COL5A3: variants seen among roughly 807,000 people sequenced by gnomAD.
COL5A3 encodes collagen alpha-3(V) chain.
Under a neutral mutation model 250.0 loss-of-function variants are expected in COL5A3, and 172 were observed. The ratio of observed to expected loss-of-function variants is 0.69; its 90% CI spans 0.61 to 0.78. COL5A3 has a LOEUF of 0.78. Among genes scored for constraint, COL5A3 ranks in the 30% least tolerant of loss-of-function variants. The pLI is 0.00. For missense variants in COL5A3, 2,340 were observed against 2,334.4 expected (o/e 1.00, Z -0.05); for synonymous variants, 937 against 900.4 (o/e 1.04, Z -0.73).
chr19:9,977,421 GGGGCCCTGGGATC>G lies in COL5A3; in HGVS notation c.3165_3177del (p.Ile1056TrpfsTer84). Reference sequence around the variant, plus strand: ...GCTCCAGGGGGTCCCAGAGGCCCCAGGGGCCCTGGGATCCCATCTTTGCCAGTGGGGCCAGGGG... The same window carrying G: ...GCTCCAGGGGGTCCCAGAGGCCCCAGCCATCTTTGCCAGTGGGGCCAGGGG... On this transcript the variant is annotated frameshift_variant, in exon 43 of 67. Coordinates refer to ENST00000264828, the MANE Select transcript of COL5A3 (RefSeq NM_015719.4). LOFTEE classifies it high-confidence loss of function. The G allele has an allele frequency of 2.0e-6, 3 of 1,530,548 alleles. No individual in the cohort carries two copies. Among genetic ancestry groups the G allele is most frequent in the Non-Finnish European group, 2.6e-6 (3 of 1,141,124 alleles). 94.8% of individuals were successfully genotyped at this position (1,530,548 alleles called of 1,614,324 possible). A position where few individuals can be genotyped will look rare whatever the true frequency, so the allele number is the denominator to read the frequency against.
Position 9,966,248 on chromosome 19 carries a change from T to C in COL5A3, c.4782+66A>G, listed in dbSNP as rs1182436551. The stretch of plus-strand genomic sequence containing the variant: ...AAGGATAACGTCCCAGACAAGGTGG[T>C]TGTGGGTGTGGGGAGCAGGGGACAG... On this transcript the variant is annotated intron_variant, in intron 64 of 66. Coordinates refer to ENST00000264828, the MANE Select transcript of COL5A3 (RefSeq NM_015719.4). The C allele has an allele frequency of 2.1e-5, 25 of 1,186,898 alleles. No homozygotes were observed. In the East Asian group the frequency reaches 5.2e-4, roughly 25 times the overall value. The allele number at this position is 1,186,898 out of a possible 1,614,324, so 73.5% of individuals were successfully genotyped here. A position where few individuals can be genotyped will look rare whatever the true frequency, so the allele number is the denominator to read the frequency against.
chr19:9,967,831 G>T (rs776642519), intron 61 of COL5A3, 73 bp downstream of exon 61: 1 of 1,438,228 alleles, frequency 7.0e-7, no homozygotes, highest in Non-Finnish European at 9.5e-7. Flanking sequence ...AGGCAGAGAC[G>T]TGGAGGGTTC....
Position 9,973,764 on chromosome 19 carries a change from C to T in COL5A3, c.3604G>A (p.Gly1202Ser). 1 of 1,614,020 alleles carries T rather than the reference C, an allele frequency of 6.2e-7. No homozygotes were observed. Reference protein sequence around the residue: ...PGGVGQPGAVGEKGERGDAGD... With the variant: ...PGGVGQPGAVSEKGERGDAGD... The stretch of plus-strand genomic sequence containing the variant: ...TGCCTTCCCTCACTCACCTTCTCAC[C>T]CACGGCGCCTGGCTGACCAACTCCT... The change falls in exon 49 of 67, where the codon GGT (glycine) becomes AGT (serine). Residue 1202 changes from glycine to serine, a missense_variant. Physicochemically the swap from Gly to Ser is moderately conservative, Grantham distance 56. Around this residue, in one of 3 missense-constraint regions of COL5A3, gnomAD observed 1,179 missense variants for 1,162.6 expected, o/e 1.01. Transcript: ENST00000264828.
rs2087150609 is a variant in COL5A3 at position 9,989,145 on chromosome 19, A to T, written c.2124T>A (p.Tyr708Ter). ...CTACCTTCACTCCCCGAGGTCCAGG[A>T]TAGCCCGGAGGGCCTGCCGACCCTG... ...GPPGSAGPPGYPGPRGVKGTS... is the reference protein window; with the variant it reads ...GPPGSAGPPG Residue 708 changes from tyrosine to a stop codon, truncating the protein, a stop_gained, in exon 27 of 67, where the codon TAT (tyrosine) becomes TAA (stop). Coordinates refer to ENST00000264828, the MANE Select transcript of COL5A3 (RefSeq NM_015719.4). LOFTEE classifies it high-confidence loss of function. 1 of 1,614,106 alleles carries T rather than the reference A, an allele frequency of 6.2e-7. No homozygotes were observed. Among genetic ancestry groups the T allele is most frequent in the African/African-American group, 1.3e-5 (1 of 74,950 alleles).
At chr19:9,994,604 A>ATATATATATATG (rs1368988585) in intron 16 of COL5A3, among the ~76,000 whole-genome samples, 1 of 113,742 alleles carries the variant, frequency 8.8e-6, no homozygotes, top group Non-Finnish European at 1.8e-5. Flanking sequence ...ATATATATAT[A>ATATATATATATG]TATGGTCACA....
intron 31 of COL5A3, among the ~76,000 whole-genome samples, chr19:9,982,805 C>G (rs2057249980): frequency 6.6e-5 from 10 of 152,150 alleles, no homozygotes; most frequent in Admixed American, 6.5e-4. Context: ...TTCAGGCTCC[C>G]TCTACTCTCC....
At chr19:9,992,530 C>T (rs2036428315) in intron 21 of COL5A3, among the ~76,000 whole-genome samples, 1 of 151,932 alleles carries the variant, frequency 6.6e-6, no homozygotes, top group African/African-American at 2.4e-5. Flanking sequence ...TGGCTCAGGC[C>T]TGTAATCCCA....
chr19:9,967,361 G>A lies in COL5A3; in HGVS notation c.4444C>T (p.Pro1482Ser), dbSNP rs779442590. 8 of 1,449,012 alleles carry A rather than the reference G, an allele frequency of 5.5e-6. No homozygotes were observed. In the South Asian group the frequency reaches 1.2e-4, roughly 22 times the overall value. 89.8% of individuals were successfully genotyped at this position (1,449,012 alleles called of 1,614,324 possible). A position where few individuals can be genotyped will look rare whatever the true frequency, so the allele number is the denominator to read the frequency against. The change falls in exon 62 of 67, where the codon CCA becomes TCA. Residue 1482 changes from proline to serine, a missense_variant. Physicochemically the swap from Pro to Ser is moderately conservative, Grantham distance 74 (BLOSUM62 -1). Coordinates refer to ENST00000264828, the MANE Select transcript of COL5A3 (RefSeq NM_015719.4). ...GPRGDTGPAG[P>S]PGPPGAPAEL... ...GGGGAACTCACCGGGGGGCCTGGTG[G>A]GCCTGCAGGTCCAGTGTCTCCACGG... is the stretch of plus-strand genomic sequence containing the variant.
chr19:9,965,578 G>A (rs975359849), intron 64 of COL5A3, among the ~76,000 whole-genome samples: 6 of 151,308 alleles, frequency 4.0e-5, no homozygotes, highest in African/African-American at 9.7e-5. Context: ...TTCAGCCCCC[G>A]AGTAGCTGGG....
At chr19:9,980,894 G>A (rs1599547448) in intron 33 of COL5A3, 35 bp from the exon 34 acceptor site, 2 of 1,588,852 alleles carry the variant, frequency 1.3e-6, no homozygotes, top group African/African-American at 2.7e-5. Context: ...TCAGATATGA[G>A]GGGGTGGGGG....
Position 10,004,161 on chromosome 19 carries a change from G to A in COL5A3, c.595-16C>T. The A allele has an allele frequency of 6.3e-7, 1 of 1,597,732 alleles. No individual in the cohort carries two copies. On this transcript the variant is annotated splice_polypyrimidine_tract_variant and intron_variant, in intron 4 of 66. Coordinates refer to ENST00000264828, the MANE Select transcript of COL5A3 (RefSeq NM_015719.4). ...GAATGTCTCCCTGGGGGTTGGGGGT[G>A]TAGGAGTCAAGGAGGGCAGCCATAC...
chr19:9,960,825 C>G lies in COL5A3; in HGVS notation c.4917G>C (p.Leu1639=). The G allele has an allele frequency of 5.0e-6, 8 of 1,613,114 alleles. No individual in the cohort carries two copies. Among genetic ancestry groups the G allele is most frequent in the Non-Finnish European group, 6.8e-6 (8 of 1,180,034 alleles). The change falls in exon 66 of 67, where the codon CTG becomes CTC. Residue 1639 remains leucine, a synonymous_variant. Transcript: ENST00000264828. ...NVVQLNFLKL[L]SATARQNFTY... is the part of the protein sequence containing the mutation. ...TGAAGTTCTGGCGAGCTGTGGCACTCAGCAGTTTCAGGAAGTTCAGCTGCA... is the reference window on the plus strand; with the variant it reads ...TGAAGTTCTGGCGAGCTGTGGCACTGAGCAGTTTCAGGAAGTTCAGCTGCA...
chr19:9,980,723 A>G, intron 34 of COL5A3, 31 bp from the exon 35 acceptor site: 1 of 1,614,150 alleles, frequency 6.2e-7, no homozygotes. Context: ...CTCAGGCCCC[A>G]GAACAAACTC....
chr19:10,004,687 G>A (rs147092722), intron 4 of COL5A3, among the ~76,000 whole-genome samples: 1 of 152,060 alleles, frequency 6.6e-6, no homozygotes, highest in African/African-American at 2.4e-5. Flanking sequence ...GCTGGTACTG[G>A]GGATAAGGAG....
At chr19:9,966,231 C>A (rs2086742773) in intron 64 of COL5A3, 83 bp downstream of exon 64, 1 of 1,024,642 alleles carries the variant, frequency 9.8e-7, no homozygotes, top group Non-Finnish European at 1.5e-6. Context: ...GGAAGGATAA[C>A]GTCCCAGACA....
In COL5A3 at chr19:9,982,097, G is replaced by A. The variant is rs1248966819; in HGVS notation, c.2428C>T (p.Pro810Ser). The change falls in exon 32 of 67, where the codon CCC becomes TCC. Residue 810 changes from proline to serine, a missense_variant. Physicochemically the swap from Pro to Ser is moderately conservative, Grantham distance 74. Coordinates refer to ENST00000264828, the MANE Select transcript of COL5A3 (RefSeq NM_015719.4). ...CCTTTCTCTCCTATGGGTCCCAGGG[G>A]ACCGGGAAATCCAATAGATCCCTGA... ...GPKGSIGFPG[P>S]LGPIGEKGKS... The A allele has an allele frequency of 6.2e-7, 1 of 1,606,258 alleles. No homozygotes were observed. The highest frequency in any genetic ancestry group is 1.1e-5 in the South Asian group (1 of 90,172).
intron 66 of COL5A3, 34 bp from the exon 67 acceptor site, chr19:9,960,591 C>G (rs778698337): frequency 4.3e-6 from 7 of 1,613,544 alleles, no homozygotes; most frequent in African/African-American, 1.3e-5. Flanking sequence ...GGTGAGTTAC[C>G]GGGAAGGTGG....
rs772965067 is a variant in COL5A3 at position 9,995,610 on chromosome 19, C to G, written c.1541G>C (p.Arg514Pro). 6.3e-7 allele frequency: 1 copy of G among 1,594,682 alleles called. No individual in the cohort carries two copies. Among genetic ancestry groups the G allele is most frequent in the East Asian group, 2.3e-5 (1 of 44,426 alleles). The change falls in exon 16 of 67, where the codon CGA (arginine) becomes CCA (proline). Residue 514 changes from arginine to proline, a missense_variant. By Grantham distance (103) the Arg-to-Pro change is moderately radical (BLOSUM62 -2). This residue lies in a region of COL5A3 where 1,152 missense variants were observed against 1,146.3 expected (regional missense o/e 1.00). Transcript: ENST00000264828. Reference protein sequence around the residue: ...EEGAEGPQGPRGLQGPHGPPG... With the variant: ...EEGAEGPQGPPGLQGPHGPPG... ...GGGTCCATGAGGTCCCTGCAGGCCT[C>G]GGGGACCCTAGAAGAAAGCAAAAAG...
intron 57 of COL5A3, 106 bp downstream of exon 57, chr19:9,969,243 A>T: frequency 2.0e-6 from 2 of 977,822 alleles, no homozygotes; most frequent in Admixed American, 2.5e-5. Context: ...GGACACTCAG[A>T]TGGATGGTCA....
Sources: gnomAD v4.1 joint callset for allele counts (sites outside exome capture counted in the v4.1 genomes callset) on GRCh38, gnomAD v4.1.1 for gene constraint, gnomAD v4.1.1 regional missense constraint, MANE v1.5 for transcripts, NCBI Gene and HGNC (gene_info 2026-07-23, HGNC 2026-07-21) for gene names.